Variants in CCSER1 observed in about 807,000 individuals in gnomAD.
CCSER1 encodes the protein coiled-coil serine rich protein 1, also known as serine-rich coiled-coil domain-containing protein 1.
CCSER1 carries 41 observed loss-of-function variants against 82.0 expected under a neutral mutation model. The ratio of observed to expected loss-of-function variants is 0.50; its 90% CI spans 0.39 to 0.65. The LOEUF is 0.65. Ranked by LOEUF, CCSER1 falls within the 30% of genes least tolerant of loss-of-function variation. The pLI, the probability that CCSER1 is intolerant of heterozygous loss-of-function variation, is 0.00. For missense variants in CCSER1, 1,119 were observed against 1,064.2 expected (o/e 1.05, Z -0.72); for synonymous variants, 414 against 383.9 (o/e 1.08, Z -0.92).
chr4:91,002,895 C>G (rs967336759), intron 9 of CCSER1, among the ~76,000 whole-genome samples: 1 of 152,124 alleles, frequency 6.6e-6, no homozygotes, highest in Non-Finnish European at 1.5e-5. Context: ...GAGGGAAGAT[C>G]TGGGGCTGAA....
intron 5 of CCSER1, among the ~76,000 whole-genome samples, chr4:90,611,256 A>G (rs1258109555): frequency 4.0e-5 from 6 of 151,878 alleles, no homozygotes; most frequent in Non-Finnish European, 1.5e-5. Context: ...AATTACTGAA[A>G]AAAATGAAGC....
At chr4:91,518,855 T>G (rs564890702) in intron 10 of CCSER1, among the ~76,000 whole-genome samples, 12 of 152,260 alleles carry the variant, frequency 7.9e-5, no homozygotes, top group African/African-American at 2.9e-4. Context: ...TGGGCAACTA[T>G]TCTGTGGTCC....
chr4:91,155,311 C>T (rs965524552), intron 10 of CCSER1, among the ~76,000 whole-genome samples: 1 of 151,884 alleles, frequency 6.6e-6, no homozygotes, highest in Admixed American at 6.6e-5. Flanking sequence ...TGCATATGCC[C>T]TCTTCCCTGC....
intron 10 of CCSER1, among the ~76,000 whole-genome samples, chr4:91,367,042 C>G (rs1267955152): frequency 6.8e-6 from 1 of 147,886 alleles, no homozygotes; most frequent in Non-Finnish European, 1.5e-5. Context: ...GCCTATAATC[C>G]TAGCATTTTG....
chr4:90,636,984 T>C (rs1362938030), intron 6 of CCSER1, among the ~76,000 whole-genome samples: 4 of 152,182 alleles, frequency 2.6e-5, no homozygotes, highest in Non-Finnish European at 5.9e-5. Flanking sequence ...TTAATAGCAT[T>C]GAAGAATATA....
chr4:91,156,654 A>G (rs1435240481), intron 10 of CCSER1, among the ~76,000 whole-genome samples: 1 of 151,904 alleles, frequency 6.6e-6, no homozygotes, highest in Non-Finnish European at 1.5e-5. Context: ...ATGACTAACC[A>G]TAAATAAAAG....
chr4:91,127,952 T>C (rs1452127659), intron 10 of CCSER1, among the ~76,000 whole-genome samples: 1 of 108,094 alleles, frequency 9.3e-6, no homozygotes, highest in Non-Finnish European at 2.0e-5. Flanking sequence ...ACTGGGACAC[T>C]CCCAGATCTC....
intron 10 of CCSER1, among the ~76,000 whole-genome samples, chr4:91,496,599 T>TAC (rs1758831421): frequency 3.5e-5 from 1 of 28,370 alleles, no homozygotes; most frequent in Non-Finnish European, 8.3e-5. Flanking sequence ...CGAATATATA[T>TAC]TTGAATATAT....
At chr4:90,309,913 G>A (rs1357276115) in intron 2 of CCSER1, among the ~76,000 whole-genome samples, 1 of 152,096 alleles carries the variant, frequency 6.6e-6, no homozygotes, top group African/African-American at 2.4e-5. Context: ...AAAGTGAATG[G>A]AAAGTAATTG....
chr4:90,707,203 C>T (rs1739516925), intron 6 of CCSER1, among the ~76,000 whole-genome samples: 1 of 151,998 alleles, frequency 6.6e-6, no homozygotes, highest in African/African-American at 2.4e-5. Flanking sequence ...AGACACATAG[C>T]TTATCTTTGT....
intron 7 of CCSER1, among the ~76,000 whole-genome samples, chr4:90,789,095 A>G (rs1215883783): frequency 6.6e-6 from 1 of 152,182 alleles, no homozygotes; most frequent in Non-Finnish European, 1.5e-5. Context: ...TCTGATAATT[A>G]TGTAGTTGGT....
chr4:90,242,748 G>A (rs1213707674), intron 1 of CCSER1, among the ~76,000 whole-genome samples: 1 of 152,152 alleles, frequency 6.6e-6, no homozygotes, highest in African/African-American at 2.4e-5. Context: ...CACACAATTA[G>A]TTGTTTTTAC....
At chr4:91,115,817 T>C (rs1194935420) in intron 10 of CCSER1, among the ~76,000 whole-genome samples, 3 of 144,232 alleles carry the variant, frequency 2.1e-5, no homozygotes, top group Admixed American at 7.1e-5. Flanking sequence ...TTTTTTTTTT[T>C]TTTTTTTTCA....
At chr4:90,616,708 C>A (rs893471347) in intron 5 of CCSER1, among the ~76,000 whole-genome samples, 4 of 124,372 alleles carry the variant, frequency 3.2e-5, no homozygotes, top group African/African-American at 1.5e-4. Context: ...CACACACACA[C>A]ACACACACAC....
At chr4:91,070,549 A>G (rs1394796632) in intron 9 of CCSER1, among the ~76,000 whole-genome samples, 1 of 152,156 alleles carries the variant, frequency 6.6e-6, no homozygotes, top group Non-Finnish European at 1.5e-5. Context: ...CCAGCTGGAG[A>G]TGACCAGTAG....
At chr4:90,876,664 A>T (rs1339989913) in intron 8 of CCSER1, among the ~76,000 whole-genome samples, 2 of 152,072 alleles carry the variant, frequency 1.3e-5, no homozygotes, top group African/African-American at 4.8e-5. Flanking sequence ...GCCCCATTCA[A>T]TCCCATTCAT....
intron 5 of CCSER1, among the ~76,000 whole-genome samples, chr4:90,583,796 A>G (rs915912979): frequency 6.7e-6 from 1 of 150,316 alleles, no homozygotes; most frequent in African/African-American, 2.5e-5. Context: ...TATTCAAGGA[A>G]AAAAACTGAT....
chr4:91,226,710 G>A (rs911333872), intron 10 of CCSER1, among the ~76,000 whole-genome samples: 21 of 151,768 alleles, frequency 1.4e-4, no homozygotes, highest in Non-Finnish European at 2.9e-4. Flanking sequence ...CTATGCATTT[G>A]TCTCTTTCTC....
chr4:90,364,356 A>G (rs996400768), intron 3 of CCSER1, among the ~76,000 whole-genome samples: 1 of 152,032 alleles, frequency 6.6e-6, no homozygotes, highest in African/African-American at 2.4e-5. Context: ...GTGTCTTTAA[A>G]TAGAAAAATG....
Sources: gnomAD v4.1 joint callset for allele counts (sites outside exome capture counted in the v4.1 genomes callset) on GRCh38, gnomAD v4.1.1 for gene constraint, MANE v1.5 for transcripts, NCBI Gene and HGNC (gene_info 2026-07-23, HGNC 2026-07-21) for gene names.